Variants in SLC39A11 observed in about 807,000 individuals in gnomAD.
The protein encoded by SLC39A11 is solute carrier family 39 member 11.
SLC39A11 carries 33 observed loss-of-function variants against 36.1 expected under a neutral mutation model. The ratio of observed to expected loss-of-function variants is 0.91; its 90% confidence interval spans 0.69 to 1.22. The LOEUF is 1.22. Ranked by LOEUF, SLC39A11 falls within the 50% of genes most tolerant of loss-of-function variation. The probability of loss-of-function intolerance (pLI) is 0.00; values close to 1 mark genes in which losing one functional copy is unlikely to be tolerated. For missense variants in SLC39A11, 432 were observed against 430.3 expected (o/e 1.00, Z -0.03); for synonymous variants, 166 against 170.3 (o/e 0.97, Z 0.20).
intron 4 of SLC39A11, among the ~76,000 whole-genome samples, chr17:73,024,613 G>A (rs766264809): frequency 3.9e-5 from 6 of 152,110 alleles, no homozygotes; most frequent in Non-Finnish European, 8.8e-5. Flanking sequence ...CTGCCTCTTG[G>A]AACATCTGTC....
rs563281653 is a variant in SLC39A11 at position 73,037,939 on chromosome 17, G to A, written c.148-6225C>T. 9.2e-5 allele frequency among the ~76,000 whole-genome samples: 14 copies of A among 152,328 alleles called. No homozygotes were observed. The South Asian group carries it at 2.1e-3, about 23-fold the overall frequency. ...GTATTTCAATAGCAAAAGAAAACTC[G>A]TGGCAGGGCACAGGGGCTTACGCCC... is the stretch of plus-strand genomic sequence containing the variant. On this transcript the variant is annotated intron_variant, in intron 3 of 9. Transcript: ENST00000255559.
intron 6 of SLC39A11, among the ~76,000 whole-genome samples, chr17:72,788,955 C>A (rs1426674535): frequency 6.6e-6 from 1 of 152,058 alleles, no homozygotes; most frequent in Non-Finnish European, 1.5e-5. Flanking sequence ...CTTTTGTCTG[C>A]ATGAATGTTA....
chr17:72,789,003 C>T (rs1219826613), intron 6 of SLC39A11, among the ~76,000 whole-genome samples: 1 of 151,864 alleles, frequency 6.6e-6, no homozygotes, highest in Non-Finnish European at 1.5e-5. Flanking sequence ...TTCTTAGAGG[C>T]CTTCATTTTT....
chr17:72,782,808 C>A (rs1034633726), intron 6 of SLC39A11, among the ~76,000 whole-genome samples: 33 of 151,248 alleles, frequency 2.2e-4, no homozygotes, highest in Non-Finnish European at 7.4e-5. Flanking sequence ...TGAGACCAGC[C>A]TGGCGAACAT....
intron 6 of SLC39A11, among the ~76,000 whole-genome samples, chr17:72,741,939 C>A (rs369472183): frequency 6.6e-6 from 1 of 152,186 alleles, no homozygotes; most frequent in South Asian, 2.1e-4. Context: ...GTGGCTCCCG[C>A]GCCTGTAATC....
rs2081785215 is a variant in SLC39A11, at chr17:72,892,182, C to CT, written c.431-42379_431-42378insA. Among the ~76,000 whole-genome samples, 7 of 152,106 alleles carry CT rather than the reference C, an allele frequency of 4.6e-5. No individual in the cohort carries two copies. In the South Asian group the frequency reaches 8.3e-4, roughly 18 times the overall value. On this transcript the variant is annotated intron_variant, in intron 5 of 9. Transcript: ENST00000255559. ...CTGTAATCTGGGAGGCCGAGGTGGG[C>CT]AGATCACCTAAAGTCAGGAGTTTAA...
At chr17:73,026,200 G>GAAGATAAGA (rs1555683108) in intron 4 of SLC39A11, among the ~76,000 whole-genome samples, 1 of 126,926 alleles carries the variant, frequency 7.9e-6, no homozygotes, top group East Asian at 2.5e-4. Context: ...AGAAGAGAAG[G>GAAGATAAGA]GAAGAGAAGA....
chr17:72,963,165 CTTTCTTTTTT>C (rs1185742021), intron 4 of SLC39A11, among the ~76,000 whole-genome samples: 1 of 89,092 alleles, frequency 1.1e-5, no homozygotes, highest in Non-Finnish European at 2.3e-5. Context: ...TCTTTTTTTC[CTTTCTTTTTT>C]TTTTTTTTTT....
intron 7 of SLC39A11, among the ~76,000 whole-genome samples, chr17:72,676,195 A>C (rs567818120): frequency 6.6e-6 from 1 of 152,312 alleles, no homozygotes; most frequent in East Asian, 1.9e-4. Context: ...ACAGGAAATA[A>C]TTATAAAAGT....
intron 5 of SLC39A11, among the ~76,000 whole-genome samples, chr17:72,923,596 C>G (rs1287649280): frequency 6.6e-6 from 1 of 152,138 alleles, no homozygotes; most frequent in Non-Finnish European, 1.5e-5. Flanking sequence ...AGTAAAACTG[C>G]CCCTGTGATC....
At chr17:73,047,442 TAAAATGGAAATAATAATAG>T (rs1345630610) in intron 3 of SLC39A11, among the ~76,000 whole-genome samples, 2 of 152,152 alleles carry the variant, frequency 1.3e-5, no homozygotes, top group East Asian at 3.8e-4. Flanking sequence ...TATTCCTATG[TAAAATGGAAATAATAATAG>T]AAATAGTAAC....
intron 6 of SLC39A11, among the ~76,000 whole-genome samples, chr17:72,757,805 T>G (rs907837203): frequency 1.3e-5 from 2 of 152,222 alleles, no homozygotes; most frequent in African/African-American, 4.8e-5. Context: ...TATTGTGTGT[T>G]TGCTGAGTGT....
At chr17:72,901,515 C>T (rs898404149) in intron 5 of SLC39A11, among the ~76,000 whole-genome samples, 8 of 152,064 alleles carry the variant, frequency 5.3e-5, no homozygotes, top group African/African-American at 1.7e-4. Context: ...CTGGATGGGC[C>T]GGGAAGGCAG....
At chr17:73,065,669 G>C (rs2059977561) in intron 3 of SLC39A11, among the ~76,000 whole-genome samples, 1 of 152,280 alleles carries the variant, frequency 6.6e-6, no homozygotes, top group East Asian at 1.9e-4. Flanking sequence ...CTTGGACTGA[G>C]AGTTTAGCTC....
chr17:73,081,714 CAT>C (rs1266587299), intron 3 of SLC39A11, among the ~76,000 whole-genome samples: 1 of 143,202 alleles, frequency 7.0e-6, no homozygotes, highest in East Asian at 2.0e-4. Flanking sequence ...TATATATACA[CAT>C]ATATGTATAT....
At chr17:73,035,807 C>G (rs894651952) in intron 3 of SLC39A11, among the ~76,000 whole-genome samples, 1 of 130,672 alleles carries the variant, frequency 7.7e-6, no homozygotes, top group East Asian at 2.3e-4. Flanking sequence ...GAGGTTGCAG[C>G]GAGCCAAGAT....
At chr17:73,074,092 G>A (rs560839372) in intron 3 of SLC39A11, among the ~76,000 whole-genome samples, 4 of 151,434 alleles carry the variant, frequency 2.6e-5, no homozygotes, top group South Asian at 2.1e-4. Flanking sequence ...CTCAATCCAG[G>A]ATCTATAGAG....
chr17:72,882,882 T>C (rs2081273667), intron 5 of SLC39A11, among the ~76,000 whole-genome samples: 1 of 150,902 alleles, frequency 6.6e-6, no homozygotes, highest in Non-Finnish European at 1.5e-5. Context: ...CCGCAACCTC[T>C]GTCTCCCAGG....
intron 6 of SLC39A11, among the ~76,000 whole-genome samples, chr17:72,763,904 C>T (rs139155534): frequency 3.9e-5 from 6 of 152,142 alleles, no homozygotes; most frequent in Admixed American, 3.9e-4. Flanking sequence ...TCCAGATGAA[C>T]CCAGCTCACC....
Sources: gnomAD v4.1 joint callset for allele counts (sites outside exome capture counted in the v4.1 genomes callset) on GRCh38, gnomAD v4.1.1 for gene constraint, MANE v1.5 for transcripts, NCBI Gene and HGNC (gene_info 2026-07-23, HGNC 2026-07-21) for gene names.